The following CZIB variants were observed in gnomAD, a reference collection of about 807,000 sequenced individuals.
CZIB encodes UPF0587 protein C1orf123.
Under a neutral mutation model 28.3 loss-of-function variants are expected in CZIB, and 26 were observed. That is an observed-to-expected ratio of 0.92 (90% CI 0.67 to 1.27). The LOEUF (loss-of-function observed/expected upper bound fraction) is 1.27, where lower values mean the gene tolerates loss of function less well. Among genes scored for constraint, CZIB ranks in the 50% most tolerant of loss-of-function variants. The pLI is 0.00. For missense variants in CZIB, 179 were observed against 197.3 expected (o/e 0.91, Z 0.56); for synonymous variants, 78 against 71.1 (o/e 1.10, Z -0.49).
chr1:53,218,623 G>A, intron 3 of CZIB, 128 bp from the exon 4 acceptor site: 3 of 989,246 alleles, frequency 3.0e-6, no homozygotes, highest in Admixed American at 4.8e-5. Flanking sequence ...ACTAGGACAA[G>A]ACTCCTGGGA....
rs1227640943 is a variant in CZIB, at chr1:53,218,972, C to G, written c.91-49G>C. ...AAAGCAGCTGGCTCTGCTGCACAGA[C>G]ACCAAGGAAAGGGTAAGAACAGTGG... On this transcript the variant is annotated intron_variant, in intron 2 of 7. Coordinates refer to ENST00000294360, the MANE Select transcript of CZIB (RefSeq NM_017887.3). 2.6e-6 allele frequency: 4 copies of G among 1,522,488 alleles called. No individual in the cohort carries two copies. In the African/African-American group the frequency reaches 5.5e-5, roughly 21 times the overall value. 94.3% of individuals were successfully genotyped at this position (1,522,488 alleles called of 1,614,324 possible).
In CZIB at chr1:53,220,251, C is replaced by T. The variant is rs543201762; in HGVS notation, c.90+10G>A. The stretch of plus-strand genomic sequence containing the variant: ...GGGCCTCCTCTCCCCGGGCCCCGCC[C>T]CGGCCGCACCTTCAGGTACCACCGG... On this transcript the variant is annotated intron_variant, in intron 2 of 7. Coordinates refer to ENST00000294360, the MANE Select transcript of CZIB (RefSeq NM_017887.3). 1.2e-6 allele frequency: 2 copies of T among 1,612,146 alleles called. No homozygotes were observed. Among genetic ancestry groups the T allele is most frequent in the South Asian group, 2.2e-5 (2 of 91,036 alleles).
chr1:53,215,094 C>T (rs1389535701), intron 7 of CZIB, among the ~76,000 whole-genome samples: 1 of 152,148 alleles, frequency 6.6e-6, no homozygotes, highest in African/African-American at 2.4e-5. Context: ...AATCCCAGCA[C>T]TTTGGGAGGC....
intron 1 of CZIB, 61 bp downstream of exon 1, chr1:53,220,509 T>C: frequency 6.3e-7 from 1 of 1,599,746 alleles, no homozygotes; most frequent in Non-Finnish European, 8.5e-7. Flanking sequence ...GCGCGAGCTG[T>C]TGCCTCCCAG....
In CZIB at chr1:53,214,140, A is replaced by AAACT; in HGVS notation, c.*515_*518dup. The AAACT allele has an allele frequency of 6.1e-6, 1 of 164,358 alleles. No homozygotes were observed. Among genetic ancestry groups the AAACT allele is most frequent in the East Asian group, 1.7e-4 (1 of 5,808 alleles). The allele number at this position is 164,358 out of a possible 1,614,324, so 10.2% of individuals were successfully genotyped here. A position where few individuals can be genotyped will look rare whatever the true frequency, so the allele number is the denominator to read the frequency against. On this transcript the variant is annotated 3_prime_UTR_variant, in exon 8 of 8. Coordinates refer to ENST00000294360, the MANE Select transcript of CZIB (RefSeq NM_017887.3). Reference sequence around the variant, plus strand: ...ATTTAATCAGGAGGAAAGGTTTGGAAAACTAACTCAGGTGTATTTATTGTT... The same window carrying AAACT: ...ATTTAATCAGGAGGAAAGGTTTGGAAAACTAACTAACTCAGGTGTATTTATTGTT...
In CZIB at chr1:53,214,713, C is replaced by A; in HGVS notation, c.429G>T (p.Lys143Asn). ...QEKDWTDYDE[K>N]AQESVGIYEV... ...CATAGATTCCCACAGACTCCTGGGC[C>A]TTTTCATCATAGTCAGTCCAGTCCT... The change falls in exon 8 of 8, where the codon AAG (lysine) becomes AAT (asparagine). Residue 143 changes from lysine to asparagine, a missense_variant. Transcript: ENST00000294360. 6.2e-7 allele frequency: 1 copy of A among 1,614,076 alleles called. No individual in the cohort carries two copies. The highest frequency in any genetic ancestry group is 8.5e-7 in the Non-Finnish European group (1 of 1,180,022).
chr1:53,220,601 C>G lies in CZIB; in HGVS notation c.-26G>C, dbSNP rs1484666080. On this transcript the variant is annotated 5_prime_UTR_variant, in exon 1 of 8. Transcript: ENST00000294360. ...GGTAGCCCTCTCCGCCCGGTGCTGG[C>G]TGCGGCCCTTGCCGTTGCTTTCCGG... 1 of 1,595,600 alleles carries G rather than the reference C, an allele frequency of 6.3e-7. No homozygotes were observed.
At chr1:53,216,285 G>A (rs1236617855) in intron 6 of CZIB, among the ~76,000 whole-genome samples, 1 of 152,206 alleles carries the variant, frequency 6.6e-6, no homozygotes, top group African/African-American at 2.4e-5. Flanking sequence ...GGCAGCAGGG[G>A]CAGCGTAATC....
At chr1:53,217,459 A>G (rs1645481809) in intron 5 of CZIB, 1 of 153,792 alleles carries the variant, frequency 6.5e-6, no homozygotes, top group Non-Finnish European at 1.4e-5. Flanking sequence ...TACCTGACCT[A>G]TGGGCTTAGG....
At chr1:53,217,019 A>T (rs1290347144) in intron 5 of CZIB, 160 bp from the exon 6 acceptor site, 1 of 620,438 alleles carries the variant, frequency 1.6e-6, no homozygotes, top group Admixed American at 2.8e-5. Context: ...TGCCTTGGGC[A>T]CCTGCTCCCT....
rs436887 is a variant in CZIB, at chr1:53,218,853, C to T, written c.147+14G>A. The T allele has an allele frequency of 3.1e-4, 495 of 1,603,642 alleles. 6 individuals carry two copies. The South Asian group carries it at 5.1e-3, about 16-fold the overall frequency. ...GTGAGTGTTTATGTTGGGGGTTGGG[C>T]GGGGAACAGTTACCATCAGCCGGAT... is the stretch of plus-strand genomic sequence containing the variant. On this transcript the variant is annotated intron_variant, in intron 3 of 7. Transcript: ENST00000294360.
At position 53,214,400 on chromosome 1, in the gene CZIB, A is replaced by C. The variant is rs1645454428; in HGVS notation, c.*259T>G. On this transcript the variant is annotated 3_prime_UTR_variant, in exon 8 of 8. Coordinates refer to ENST00000294360, the MANE Select transcript of CZIB (RefSeq NM_017887.3). ...AAAAATACTCTTCATTTTCCTAAGG[A>C]GTGAACTGCTGCTGCACGAATTCTT... is the stretch of plus-strand genomic sequence containing the variant. The C allele has an allele frequency of 2.2e-6, 1 of 462,010 alleles. No homozygotes were observed. The highest frequency in any genetic ancestry group is 3.4e-5 in the East Asian group (1 of 29,598). 28.6% of individuals were successfully genotyped at this position (462,010 alleles called of 1,614,324 possible). A position where few individuals can be genotyped will look rare whatever the true frequency, so the allele number is the denominator to read the frequency against.
intron 2 of CZIB, chr1:53,220,038 T>A (rs914317401): frequency 1.9e-5 from 10 of 525,836 alleles, no homozygotes; most frequent in Non-Finnish European, 3.3e-5. Flanking sequence ...GACCACGAAA[T>A]ATTTAACACA....
intron 1 of CZIB, 94 bp from the exon 2 acceptor site, chr1:53,220,438 G>A (rs1235229614): frequency 1.9e-5 from 30 of 1,576,688 alleles, no homozygotes; most frequent in Non-Finnish European, 2.6e-5. Flanking sequence ...GGTGCCACAG[G>A]GAGACACTCC....
chr1:53,214,448 T>C lies in CZIB; in HGVS notation c.*211A>G. ...CTTATTTGTGGAGGGAGTAGCTGCC[T>C]CCTTACTTCACCTTCATGCACCAGT... On this transcript the variant is annotated 3_prime_UTR_variant, in exon 8 of 8. Coordinates refer to ENST00000294360, the MANE Select transcript of CZIB (RefSeq NM_017887.3). 1.2e-5 allele frequency: 6 copies of C among 519,932 alleles called. No individual in the cohort carries two copies. The South Asian group carries it at 1.9e-4, about 16-fold the overall frequency. 32.2% of individuals were successfully genotyped at this position (519,932 alleles called of 1,614,324 possible).
rs1246678465 is a variant in CZIB at position 53,220,626 on chromosome 1, G to C, written c.-51C>G. The stretch of plus-strand genomic sequence containing the variant: ...CTGCGGCCCTTGCCGTTGCTTTCCG[G>C]CGCGTCGTAAAAGGCGGGTGCCGTC... On this transcript the variant is annotated 5_prime_UTR_variant, in exon 1 of 8. Coordinates refer to ENST00000294360, the MANE Select transcript of CZIB (RefSeq NM_017887.3). 6.3e-7 allele frequency: 1 copy of C among 1,589,204 alleles called. No individual in the cohort carries two copies. Among genetic ancestry groups the C allele is most frequent in the East Asian group, 2.3e-5 (1 of 44,398 alleles).
At chr1:53,220,473 G>T in intron 1 of CZIB, 97 bp downstream of exon 1, 1 of 1,580,092 alleles carries the variant, frequency 6.3e-7, no homozygotes. Context: ...CCTTCAGCGC[G>T]CACCCACTCG....
intron 2 of CZIB, 68 bp downstream of exon 2, chr1:53,220,193 G>C: frequency 2.9e-6 from 4 of 1,370,024 alleles, no homozygotes; most frequent in Non-Finnish European, 1.0e-6. Flanking sequence ...TACTGCCGGA[G>C]AGAAGGCTCC....
rs1302451567 is a variant in CZIB at position 53,214,583 on chromosome 1, G to A, written c.*76C>T. On this transcript the variant is annotated 3_prime_UTR_variant, in exon 8 of 8. Coordinates refer to ENST00000294360, the MANE Select transcript of CZIB (RefSeq NM_017887.3). ...ACCAGGAGACAAGGGTCAAAGGAACGAGCCTCTGTGGGCTCTGCTGCTTAG... is the reference window on the plus strand; with the variant it reads ...ACCAGGAGACAAGGGTCAAAGGAACAAGCCTCTGTGGGCTCTGCTGCTTAG... 6 of 1,295,722 alleles carry A rather than the reference G, an allele frequency of 4.6e-6. No homozygotes were observed. The highest frequency in any genetic ancestry group is 2.3e-5 in the East Asian group (1 of 43,078). 80.3% of individuals were successfully genotyped at this position (1,295,722 alleles called of 1,614,324 possible).
Sources: gnomAD v4.1 joint callset for allele counts (sites outside exome capture counted in the v4.1 genomes callset) on GRCh38, gnomAD v4.1.1 for gene constraint, MANE v1.5 for transcripts, NCBI Gene and HGNC (gene_info 2026-07-23, HGNC 2026-07-21) for gene names.